The following PRKDC variants were observed in gnomAD, a reference collection of about 807,000 sequenced individuals.
The protein encoded by PRKDC is DNA-dependent protein kinase catalytic subunit.
PRKDC carries 82 observed loss-of-function variants against 486.9 expected under a neutral mutation model. The observed-to-expected ratio is 0.17, with a 90% confidence interval of 0.14 to 0.20. The LOEUF is 0.20. PRKDC is among the 10% of genes least tolerant of loss of function. The pLI is 1.00. For missense variants in PRKDC, 4,504 were observed against 5,038.2 expected, an observed-to-expected ratio of 0.89 and a Z score of 3.21; for synonymous variants, 1,895 against 1,837.0, an observed-to-expected ratio of 1.03 and a Z score of -0.81.
At chr8:47,850,314 G>C (rs148369400) in intron 52 of PRKDC, among the ~76,000 whole-genome samples, 19 of 152,298 alleles carry the variant, frequency 1.2e-4, no homozygotes, top group African/African-American at 4.3e-4. Context: ...CAGACTGAGC[G>C]CCTCAAATCT....
At chr8:47,896,227 T>C (rs2089577605) in intron 30 of PRKDC, among the ~76,000 whole-genome samples, 1 of 151,874 alleles carries the variant, frequency 6.6e-6, no homozygotes, top group Non-Finnish European at 1.5e-5. Flanking sequence ...GTATATAATA[T>C]GTAGTATATA....
chr8:47,812,457 G>C (rs980758726), intron 68 of PRKDC, among the ~76,000 whole-genome samples: 2 of 152,120 alleles, frequency 1.3e-5, no homozygotes, highest in African/African-American at 2.4e-5. Context: ...GTGGAATTTA[G>C]AAATCACTAA....
At chr8:47,882,713 C>G (rs538013959) in intron 36 of PRKDC, among the ~76,000 whole-genome samples, 1 of 152,342 alleles carries the variant, frequency 6.6e-6, no homozygotes, top group East Asian at 1.9e-4. Flanking sequence ...GAGTGACAGG[C>G]TAATTTTGGT....
intron 40 of PRKDC, among the ~76,000 whole-genome samples, chr8:47,871,747 C>T (rs1337206505): frequency 3.3e-5 from 5 of 151,436 alleles, no homozygotes; most frequent in East Asian, 1.9e-4. Context: ...TACAGGCACC[C>T]GCCACCACGC....
chr8:47,946,297 C>T (rs927136207), intron 7 of PRKDC, among the ~76,000 whole-genome samples: 1 of 152,056 alleles, frequency 6.6e-6, no homozygotes, highest in Non-Finnish European at 1.5e-5. Context: ...TGCCACTGCA[C>T]TCCAACAAGA....
chr8:47,875,284 A>C (rs1232661057), intron 40 of PRKDC, among the ~76,000 whole-genome samples: 1 of 152,178 alleles, frequency 6.6e-6, no homozygotes, highest in Non-Finnish European at 1.5e-5. Flanking sequence ...AGTTTCTGAG[A>C]GGTCAGTGGT....
At chr8:47,943,400 G>A (rs915538464) in intron 9 of PRKDC, 34 bp from the exon 10 acceptor site, 18 of 1,569,378 alleles carry the variant, frequency 1.1e-5, no homozygotes, top group African/African-American at 9.5e-5. Flanking sequence ...TTTAAAATCA[G>A]ACGACATAAC....
intron 39 of PRKDC, among the ~76,000 whole-genome samples, chr8:47,879,134 T>C (rs1325435124): frequency 6.6e-6 from 1 of 152,228 alleles, no homozygotes; most frequent in Non-Finnish European, 1.5e-5. Context: ...ATTTTACACA[T>C]TCCATTTTAC....
At position 47,817,570 on chromosome 8, in the gene PRKDC, A is replaced by T. The variant is rs747255560; in HGVS notation, c.9446-9T>A. On this transcript the variant is annotated splice_polypyrimidine_tract_variant and intron_variant, in intron 67 of 85. Transcript: ENST00000314191. ...TTGAGATGATAAATTGCCTAAAAATAGTATTAGAGGGTGACTATACACACA... is the reference window on the plus strand; with the variant it reads ...TTGAGATGATAAATTGCCTAAAAATTGTATTAGAGGGTGACTATACACACA... The T allele has an allele frequency of 4.6e-6, 7 of 1,522,716 alleles. No homozygotes were observed. The Admixed American group carries it at 9.1e-5, about 20-fold the overall frequency. 94.3% of individuals were successfully genotyped at this position (1,522,716 alleles called of 1,614,324 possible).
intron 58 of PRKDC, 93 bp from the exon 59 acceptor site, chr8:47,834,489 C>T (rs2087963460): frequency 2.8e-5 from 38 of 1,354,494 alleles, no homozygotes; most frequent in Non-Finnish European, 3.9e-5. Context: ...TGGTGGCACC[C>T]TAGGCCTCCG....
At chr8:47,876,393 G>A (rs2089092957) in intron 40 of PRKDC, among the ~76,000 whole-genome samples, 1 of 152,144 alleles carries the variant, frequency 6.6e-6, no homozygotes, top group South Asian at 2.1e-4. Context: ...CAGGCGGGAT[G>A]GCTCACATCT....
intron 68 of PRKDC, among the ~76,000 whole-genome samples, chr8:47,813,771 T>C (rs2087383794): frequency 6.6e-6 from 1 of 151,844 alleles, no homozygotes; most frequent in Non-Finnish European, 1.5e-5. Flanking sequence ...ACAGGTTTTG[T>C]CCATGTTTGT....
chr8:47,849,195 G>T lies in PRKDC; in HGVS notation c.7239C>A (p.Phe2413Leu), dbSNP rs370628026. The change falls in exon 54 of 86, where the codon TTC becomes TTA. Residue 2413 changes from phenylalanine (F) to leucine (L), a missense_variant. This residue lies in a region of PRKDC where 1,592 missense variants were observed against 1,724.6 expected (regional missense o/e 0.92). Coordinates refer to ENST00000314191, the MANE Select transcript of PRKDC (RefSeq NM_006904.7). ...CRVEGMTELY[F>L]QLKSKDFVQV... Reference sequence around the variant, plus strand: ...GAACGAAGTCCTTGCTCTTTAACTGGAAGTACAGCTCTGTCATTCCCTCCA... The same window carrying T: ...GAACGAAGTCCTTGCTCTTTAACTGTAAGTACAGCTCTGTCATTCCCTCCA... 6.2e-7 allele frequency: 1 copy of T among 1,613,858 alleles called. No homozygotes were observed. Among genetic ancestry groups the T allele is most frequent in the African/African-American group, 1.3e-5 (1 of 74,896 alleles).
Position 47,948,098 on chromosome 8 carries a change from GCACA to G in PRKDC, c.722-4073_722-4070del, listed in dbSNP as rs141437463. ...ACCCTGTCTCAAAAAAAATATATTT[GCACA>G]CACACACACACACACACACACACGC... On this transcript the variant is annotated intron_variant, in intron 7 of 85. Transcript: ENST00000314191. Among the ~76,000 whole-genome samples the G allele has an allele frequency of 3.5e-3, 493 of 140,262 alleles. 1 individual carries two copies. Among genetic ancestry groups the G allele is most frequent in the African/African-American group, 4.0e-3 (155 of 38,398 alleles). 92.0% of individuals were successfully genotyped at this position (140,262 alleles called of 152,430 possible).
At chr8:47,866,700 T>C (rs1419536562) in intron 40 of PRKDC, among the ~76,000 whole-genome samples, 2 of 152,160 alleles carry the variant, frequency 1.3e-5, no homozygotes, top group African/African-American at 4.8e-5. Context: ...GGCCAGACAG[T>C]AGTGAAACAG....
At chr8:47,811,493 G>A (rs1230439101) in intron 68 of PRKDC, among the ~76,000 whole-genome samples, 1 of 152,196 alleles carries the variant, frequency 6.6e-6, no homozygotes, top group African/African-American at 2.4e-5. Context: ...AGTGTGGTAA[G>A]TATAATAAAG....
chr8:47,787,054 T>C (rs1195360868), intron 76 of PRKDC, among the ~76,000 whole-genome samples: 1 of 151,812 alleles, frequency 6.6e-6, no homozygotes, highest in Non-Finnish European at 1.5e-5. Flanking sequence ...AAGCAATTAT[T>C]ATAAGTACTC....
chr8:47,939,590 C>G lies in PRKDC; in HGVS notation c.1074G>C (p.Glu358Asp), dbSNP rs566121271. ...IIRNVDSNNKELSIAIRGYGL... is the reference protein window; with the variant it reads ...IIRNVDSNNKDLSIAIRGYGL... ...CATATCCACGGATAGCAATAGATAACTCCTTGTTGTTCGAATCCACATTTC... is the reference window on the plus strand; with the variant it reads ...CATATCCACGGATAGCAATAGATAAGTCCTTGTTGTTCGAATCCACATTTC... The change falls in exon 11 of 86, where the codon GAG becomes GAC. Residue 358 changes from glutamate (E) to aspartate (D), a missense_variant. Glu to Asp is a conservative substitution (Grantham distance 45). Around this residue, in one of 6 missense-constraint regions of PRKDC, gnomAD observed 1,969 missense variants for 2,068.9 expected, o/e 0.95. Coordinates refer to ENST00000314191, the MANE Select transcript of PRKDC (RefSeq NM_006904.7). The G allele has an allele frequency of 6.2e-7, 1 of 1,613,708 alleles. No homozygotes were observed. Among genetic ancestry groups the G allele is most frequent in the South Asian group, 1.1e-5 (1 of 91,064 alleles).
In PRKDC at chr8:47,773,539, T is replaced by C. The variant is rs570495365; in HGVS notation, c.*634A>G. 2.7e-5 allele frequency: 6 copies of C among 219,982 alleles called. No homozygotes were observed. In the East Asian group the frequency reaches 4.1e-4, roughly 15 times the overall value. 13.6% of individuals were successfully genotyped at this position (219,982 alleles called of 1,614,324 possible). On this transcript the variant is annotated 3_prime_UTR_variant, in exon 86 of 86. Transcript: ENST00000314191. ...TGACCAAAATTTTTGCCCTCCTAAA[T>C]AAAGACGTTTCCTTCTAGAGAGCAA...
Sources: allele counts gnomAD v4.1 joint callset (sites outside exome capture counted in the v4.1 genomes callset), GRCh38; gene constraint gnomAD v4.1.1; regional missense constraint gnomAD v4.1.1; transcripts MANE v1.5; gene names NCBI Gene and HGNC (gene_info 2026-07-23, HGNC 2026-07-21).